TAFA1: variants seen among roughly 807,000 people sequenced by gnomAD.
The protein encoded by TAFA1 is chemokine-like protein TAFA-1.
A neutral mutation model predicts 18.5 loss-of-function variants in TAFA1; 4 were observed. The observed-to-expected ratio is 0.22, with a 90% CI of 0.11 to 0.49. TAFA1 has a LOEUF of 0.49. Ranked by LOEUF, TAFA1 falls within the 20% of genes least tolerant of loss-of-function variation. TAFA1 has a pLI of 0.98. For missense variants in TAFA1, 147 were observed against 169.0 expected, an observed-to-expected ratio of 0.87 and a Z score of 0.72; for synonymous variants, 56 against 55.2, an observed-to-expected ratio of 1.01 and a Z score of -0.06.
At chr3:68,013,445 C>G (rs1222672708) in intron 2 of TAFA1, among the ~76,000 whole-genome samples, 2 of 152,066 alleles carry the variant, frequency 1.3e-5, no homozygotes, top group Non-Finnish European at 2.9e-5. Flanking sequence ...ACTATACTTA[C>G]AAATGTAGTG....
At chr3:68,486,955 A>G (rs1354550197) in intron 3 of TAFA1, among the ~76,000 whole-genome samples, 1 of 152,210 alleles carries the variant, frequency 6.6e-6, no homozygotes, top group African/African-American at 2.4e-5. Flanking sequence ...GTGATGTTTC[A>G]TTGCCAGTAA....
At chr3:68,512,148 A>T (rs572120327) in intron 3 of TAFA1, among the ~76,000 whole-genome samples, 4 of 152,220 alleles carry the variant, frequency 2.6e-5, no homozygotes, top group African/African-American at 9.6e-5. Context: ...TCACTTGCTT[A>T]AATGCTTCAC....
intron 3 of TAFA1, among the ~76,000 whole-genome samples, chr3:68,429,617 C>A (rs974941377): frequency 6.6e-6 from 1 of 151,870 alleles, no homozygotes; most frequent in African/African-American, 2.4e-5. Context: ...ACATACACAC[C>A]ATCATCATTC....
At chr3:68,003,208 A>G (rs1451499441), upstream of TAFA1, among the ~76,000 whole-genome samples, 1 of 152,256 alleles carries the variant, frequency 6.6e-6, no homozygotes. Flanking sequence ...GGCAAGACTG[A>G]CGAGTCTGAA....
chr3:68,276,519 A>C (rs1277087256), intron 2 of TAFA1, among the ~76,000 whole-genome samples: 1 of 152,192 alleles, frequency 6.6e-6, no homozygotes, highest in Admixed American at 6.6e-5. Flanking sequence ...TTGTGTGCAA[A>C]GTTTTACCAA....
At chr3:68,094,304 C>T (rs928233967) in intron 2 of TAFA1, among the ~76,000 whole-genome samples, 8 of 151,998 alleles carry the variant, frequency 5.3e-5, no homozygotes, top group African/African-American at 1.9e-4. Flanking sequence ...TCTCTGGCAT[C>T]CTAAGTAATC....
At chr3:68,019,810 A>C (rs1384040750) in intron 2 of TAFA1, among the ~76,000 whole-genome samples, 1 of 152,146 alleles carries the variant, frequency 6.6e-6, no homozygotes, top group African/African-American at 2.4e-5. Context: ...CTGTCTTCCA[A>C]AGATAGCCCC....
At chr3:68,343,014 C>T (rs1225086143) in intron 2 of TAFA1, among the ~76,000 whole-genome samples, 2 of 152,058 alleles carry the variant, frequency 1.3e-5, no homozygotes, top group Non-Finnish European at 2.9e-5. Context: ...TAACAAAGTG[C>T]CTGTCAGGTT....
At chr3:68,372,777 A>G (rs72626994) in intron 2 of TAFA1, among the ~76,000 whole-genome samples, 14,501 of 152,166 alleles carry the variant, frequency 0.095, 794 homozygotes, top group East Asian at 0.22. Flanking sequence ...AAAACAATAC[A>G]TTTAGCACTA....
At chr3:68,028,503 G>T (rs1476053667) in intron 2 of TAFA1, among the ~76,000 whole-genome samples, 1 of 152,088 alleles carries the variant, frequency 6.6e-6, no homozygotes, top group Non-Finnish European at 1.5e-5. Context: ...TAAAGCAATA[G>T]AAATTTTTTC....
At chr3:68,067,007 G>C (rs544887427) in intron 2 of TAFA1, among the ~76,000 whole-genome samples, 1 of 152,110 alleles carries the variant, frequency 6.6e-6, no homozygotes, top group South Asian at 2.1e-4. Flanking sequence ...CAAGCAAGAC[G>C]GCCAGCTCCA....
At chr3:68,444,245 G>A (rs970767657) in intron 3 of TAFA1, among the ~76,000 whole-genome samples, 1 of 152,188 alleles carries the variant, frequency 6.6e-6, no homozygotes, top group Non-Finnish European at 1.5e-5. Context: ...AAAAAAATCA[G>A]TGCTAGTCTT....
At chr3:68,457,793 C>T (rs912232768) in intron 3 of TAFA1, among the ~76,000 whole-genome samples, 13 of 152,136 alleles carry the variant, frequency 8.5e-5, no homozygotes, top group African/African-American at 3.1e-4. Context: ...CAGTCCCCTC[C>T]TTCTCCAAGC....
At chr3:68,173,305 C>A (rs979645876) in intron 2 of TAFA1, among the ~76,000 whole-genome samples, 4 of 147,812 alleles carry the variant, frequency 2.7e-5, no homozygotes, top group Non-Finnish European at 5.9e-5. Context: ...ATGAAGAGGC[C>A]GCTTAAGAGC....
intron 3 of TAFA1, among the ~76,000 whole-genome samples, chr3:68,532,705 A>G (rs948112582): frequency 6.6e-6 from 1 of 152,128 alleles, no homozygotes; most frequent in African/African-American, 2.4e-5. Flanking sequence ...AGCTCATTTT[A>G]TTAAATCTAG....
Position 68,080,422 on chromosome 3 carries a change from A to G in TAFA1, c.118+73678A>G, listed in dbSNP as rs560657847. On this transcript the variant is annotated intron_variant, in intron 2 of 4. Transcript: ENST00000478136. ...TCTTCCTAGTCTCGATGGTCTTTAC[A>G]TTTTGGCATGATTTTGCAATGGCTG... Among the ~76,000 whole-genome samples, 4 of 151,458 alleles carry G rather than the reference A, an allele frequency of 2.6e-5. No homozygotes were observed. In the East Asian group the frequency reaches 7.8e-4, roughly 30 times the overall value.
chr3:68,109,228 T>C (rs1419731998), intron 2 of TAFA1, among the ~76,000 whole-genome samples: 2 of 152,026 alleles, frequency 1.3e-5, no homozygotes, highest in African/African-American at 4.8e-5. Flanking sequence ...TTATATTAAG[T>C]TGGAGATTTG....
intron 2 of TAFA1, among the ~76,000 whole-genome samples, chr3:68,388,302 A>G (rs1300479352): frequency 6.6e-6 from 1 of 152,318 alleles, no homozygotes; most frequent in South Asian, 2.1e-4. Context: ...GATTGCATTC[A>G]TTAAATTTTA....
chr3:68,076,373 T>C (rs1335604758), intron 2 of TAFA1, among the ~76,000 whole-genome samples: 3 of 151,854 alleles, frequency 2.0e-5, no homozygotes, highest in African/African-American at 7.3e-5. Context: ...TAGTTACATA[T>C]GTATACATGT....
Sources: allele counts gnomAD v4.1 joint callset (sites outside exome capture counted in the v4.1 genomes callset), GRCh38; gene constraint gnomAD v4.1.1; transcripts MANE v1.5; gene names NCBI Gene and HGNC (gene_info 2026-07-23, HGNC 2026-07-21).